The following ARHGEF11 variants were observed in gnomAD, a reference collection of about 807,000 sequenced individuals.
The protein encoded by ARHGEF11 is Rho guanine nucleotide exchange factor 11, also known as Rho guanine exchange factor (GEF) 11.
Under a neutral mutation model 193.7 loss-of-function variants are expected in ARHGEF11, and 55 were observed. The observed-to-expected ratio is 0.28, with a 90% CI of 0.23 to 0.36. ARHGEF11 has a LOEUF of 0.36. Among genes scored for constraint, ARHGEF11 ranks in the 10% least tolerant of loss-of-function variants. The probability of loss-of-function intolerance (pLI) is 1.00; values close to 1 mark genes in which losing one functional copy is unlikely to be tolerated. For missense variants in ARHGEF11, 1,723 were observed against 2,005.6 expected (o/e 0.86, Z 2.69); for synonymous variants, 693 against 768.0 (o/e 0.90, Z 1.62).
rs2101947542 is a variant in ARHGEF11, at chr1:156,948,146, C to T, written c.2153+35G>A. 6.5e-7 allele frequency: 1 copy of T among 1,544,266 alleles called. No homozygotes were observed. The highest frequency in any genetic ancestry group is 8.7e-7 in the Non-Finnish European group (1 of 1,143,754). ...GCTGGGTGTGGATGGGACACAGAGACACCAAACAGAGGCACCACCGTGCCC... is the reference window on the plus strand; with the variant it reads ...GCTGGGTGTGGATGGGACACAGAGATACCAAACAGAGGCACCACCGTGCCC... On this transcript the variant is annotated intron_variant, in intron 24 of 40. Transcript: ENST00000368194. The surrounding 1 kb of genome is among the most constrained non-coding windows in gnomAD (Gnocchi z 4.2).
chr1:156,947,459 T>A lies in ARHGEF11; in HGVS notation c.2342-9A>T. 1 of 1,587,782 alleles carries A rather than the reference T, an allele frequency of 6.3e-7. No homozygotes were observed. The highest frequency in any genetic ancestry group is 8.6e-7 in the Non-Finnish European group (1 of 1,169,338). ...TTCAGTCACAAACAGCTCTGAGCGG[T>A]GGTTGTGACAAGGAGGGTAGAAAGC... On this transcript the variant is annotated splice_polypyrimidine_tract_variant and intron_variant, in intron 25 of 40. Transcript: ENST00000368194.
In ARHGEF11 at chr1:156,984,442, A is replaced by G. The variant is rs756926549; in HGVS notation, c.125-5T>C. ...TGACACAGCGTTGAACGAGACCTGGAAGGCGGAGAGAAAGGTTGAGTACGC... is the reference window on the plus strand; with the variant it reads ...TGACACAGCGTTGAACGAGACCTGGGAGGCGGAGAGAAAGGTTGAGTACGC... On this transcript the variant is annotated splice_region_variant and splice_polypyrimidine_tract_variant and intron_variant, in intron 2 of 40. Coordinates refer to ENST00000368194, the MANE Select transcript of ARHGEF11 (RefSeq NM_198236.3). 141 of 1,579,924 alleles carry G rather than the reference A, an allele frequency of 8.9e-5. 1 individual carries two copies. Among genetic ancestry groups the G allele is most frequent in the Non-Finnish European group, 1.1e-4 (123 of 1,161,544 alleles).
intron 12 of ARHGEF11, 54 bp from the exon 13 acceptor site, chr1:156,963,358 G>A: frequency 6.4e-7 from 1 of 1,551,800 alleles, no homozygotes; most frequent in East Asian, 2.2e-5. Flanking sequence ...AGCACAGCGG[G>A]TTCCAGCTTA....
intron 1 of ARHGEF11, among the ~76,000 whole-genome samples, chr1:157,027,868 C>CT (rs1286465686): frequency 3.9e-5 from 6 of 152,140 alleles, no homozygotes; most frequent in African/African-American, 1.4e-4. Flanking sequence ...AAGAAGTCAG[C>CT]TACTCTGAGG....
At chr1:157,036,170 T>G (rs1672007754) in intron 1 of ARHGEF11, among the ~76,000 whole-genome samples, 1 of 139,282 alleles carries the variant, frequency 7.2e-6, no homozygotes, top group African/African-American at 2.6e-5. Context: ...AATATATATA[T>G]GAATACATAT....
At chr1:157,041,638 A>G (rs1672764864) in intron 1 of ARHGEF11, among the ~76,000 whole-genome samples, 1 of 152,214 alleles carries the variant, frequency 6.6e-6, no homozygotes, top group Admixed American at 6.5e-5. Context: ...ACAACCCGCA[A>G]TGAAATAATT....
At chr1:157,022,789 A>G (rs182714988) in intron 1 of ARHGEF11, among the ~76,000 whole-genome samples, 213 of 152,368 alleles carry the variant, frequency 1.4e-3, no homozygotes, top group African/African-American at 4.9e-3. Flanking sequence ...GCTTCAGTGT[A>G]GTACTGGCAT....
chr1:156,974,076 CTT>C (rs764547003), intron 7 of ARHGEF11, among the ~76,000 whole-genome samples: 1 of 146,350 alleles, frequency 6.8e-6, no homozygotes. Flanking sequence ...TTTTCTTTTT[CTT>C]TTTTTTTTTG....
At chr1:157,042,335 C>T (rs1286066738) in intron 1 of ARHGEF11, among the ~76,000 whole-genome samples, 1 of 152,114 alleles carries the variant, frequency 6.6e-6, no homozygotes, top group Non-Finnish European at 1.5e-5. Flanking sequence ...GGCACTTTAC[C>T]CTACTACCAA....
intron 7 of ARHGEF11, among the ~76,000 whole-genome samples, chr1:156,972,880 T>C (rs1662695428): frequency 2.0e-5 from 3 of 152,198 alleles, no homozygotes; most frequent in Non-Finnish European, 4.4e-5. Flanking sequence ...TTCACATATC[T>C]TCAAAGTCTC....
At chr1:156,967,054 TA>T (rs1661768508) in intron 11 of ARHGEF11, among the ~76,000 whole-genome samples, 1 of 152,222 alleles carries the variant, frequency 6.6e-6, no homozygotes, top group Non-Finnish European at 1.5e-5. Flanking sequence ...CTTTTTAATA[TA>T]AATGGCAGCT....
At chr1:157,034,516 G>A (rs1418002435) in intron 1 of ARHGEF11, among the ~76,000 whole-genome samples, 1 of 152,174 alleles carries the variant, frequency 6.6e-6, no homozygotes, top group Non-Finnish European at 1.5e-5. Flanking sequence ...GAGAACGAGA[G>A]GAATTTTGGT....
At chr1:156,945,866 A>G (rs1447003253) in intron 29 of ARHGEF11, 179 bp downstream of exon 29, 2 of 577,812 alleles carry the variant, frequency 3.5e-6, no homozygotes, top group Non-Finnish European at 6.1e-6. Flanking sequence ...TAAACACCTT[A>G]TATTTTCCAA....
chr1:156,955,843 C>T (rs754299221), intron 19 of ARHGEF11, 44 bp from the exon 20 acceptor site: 12 of 1,475,070 alleles, frequency 8.1e-6, no homozygotes, highest in Non-Finnish European at 1.1e-5. Flanking sequence ...GGTCCTGATA[C>T]CCAGGCGTGG....
At position 156,935,165 on chromosome 1, in the gene ARHGEF11, T is replaced by C. The variant is rs1654841845; in HGVS notation, c.*835A>G. 6.6e-6 allele frequency: 1 copy of C among 152,508 alleles called. No homozygotes were observed. The highest frequency in any genetic ancestry group is 2.1e-4 in the South Asian group (1 of 4,820). 9.4% of individuals were successfully genotyped at this position (152,508 alleles called of 1,614,324 possible). On this transcript the variant is annotated 3_prime_UTR_variant, in exon 41 of 41. Transcript: ENST00000368194. ...GTCCTCAGCTCCGTACCTGCTTCAC[T>C]GGTTTTCTACAGGGACAGGGTGGGG...
intron 1 of ARHGEF11, among the ~76,000 whole-genome samples, chr1:156,993,802 C>T (rs946206329): frequency 1.3e-5 from 2 of 152,192 alleles, no homozygotes; most frequent in African/African-American, 4.8e-5. Flanking sequence ...TGAGGAAAGA[C>T]GGCTGTTTGC....
Position 157,010,058 on chromosome 1 carries a change from G to A in ARHGEF11, c.33-23885C>T, listed in dbSNP as rs561320111. Among the ~76,000 whole-genome samples, 273 of 152,300 alleles carry A rather than the reference G, an allele frequency of 1.8e-3. 5 individuals carry two copies. The highest frequency in any genetic ancestry group is 0.016 in the Admixed American group (245 of 15,306). On this transcript the variant is annotated intron_variant, in intron 1 of 40. Coordinates refer to ENST00000368194, the MANE Select transcript of ARHGEF11 (RefSeq NM_198236.3). ...AACAAGACAAGAATATCTGGGCTGGGTGTGATGGCTCATGCCTGTAACCTC... is the reference window on the plus strand; with the variant it reads ...AACAAGACAAGAATATCTGGGCTGGATGTGATGGCTCATGCCTGTAACCTC...
intron 1 of ARHGEF11, among the ~76,000 whole-genome samples, chr1:157,007,037 C>T (rs764129299): frequency 1.3e-5 from 2 of 152,142 alleles, no homozygotes; most frequent in Non-Finnish European, 2.9e-5. Context: ...GCAGAGGTAC[C>T]AGGACATGAC....
At chr1:156,986,662 G>C (rs1027171943) in intron 1 of ARHGEF11, among the ~76,000 whole-genome samples, 1 of 152,310 alleles carries the variant, frequency 6.6e-6, no homozygotes, top group Admixed American at 6.5e-5. Flanking sequence ...ACAGAGGTCT[G>C]CATGAGCACA....
Sources: gnomAD v4.1 joint callset for allele counts (sites outside exome capture counted in the v4.1 genomes callset) on GRCh38, gnomAD v4.1.1 for gene constraint, Gnocchi (gnomAD v3.1) non-coding constraint, MANE v1.5 for transcripts, NCBI Gene and HGNC (gene_info 2026-07-23, HGNC 2026-07-21) for gene names.